The following PALM2AKAP2 variants were observed in gnomAD, a reference collection of about 807,000 sequenced individuals.
The protein encoded by PALM2AKAP2 is PALM2-AKAP2 fusion protein.
PALM2AKAP2 carries 37 observed loss-of-function variants against 71.5 expected under a neutral mutation model. The ratio of observed to expected loss-of-function variants is 0.52; its 90% CI spans 0.40 to 0.68. The LOEUF is 0.68. PALM2AKAP2 is among the 30% of genes least tolerant of loss of function. The pLI is 0.00. For synonymous variants in PALM2AKAP2, 468 were observed against 478.8 expected (o/e 0.98, Z 0.29); for missense variants, 1,224 against 1,191.8 (o/e 1.03, Z -0.40).
rs538998090 is a variant in PALM2AKAP2, at chr9:109,696,717, G to A, written c.5+55851G>A. Among the ~76,000 whole-genome samples, 74 of 152,214 alleles carry A rather than the reference G, an allele frequency of 4.9e-4. 1 individual carries two copies. The South Asian group carries it at 0.014, about 29-fold the overall frequency. On this transcript the variant is annotated intron_variant, in intron 1 of 6. Transcript: ENST00000374531. ...CACCTGCATCCCCTTCCCTGGGCCAGTGCATCTGTCTCCCGCCACTGTGAG... is the reference window on the plus strand; with the variant it reads ...CACCTGCATCCCCTTCCCTGGGCCAATGCATCTGTCTCCCGCCACTGTGAG...
chr9:110,059,421 A>G (rs1833914878), intron 1 of PALM2AKAP2, among the ~76,000 whole-genome samples: 1 of 152,222 alleles, frequency 6.6e-6, no homozygotes, highest in African/African-American at 2.4e-5. Context: ...GTACTAGAAT[A>G]GTCATTTTCT....
chr9:109,994,241 A>T (rs184429649), intron 6 of PALM2AKAP2, among the ~76,000 whole-genome samples: 135 of 152,312 alleles, frequency 8.9e-4, no homozygotes, highest in Non-Finnish European at 8.7e-4. Flanking sequence ...CAGGACAGAG[A>T]TAGATGAATT....
chr9:109,881,876 CTTTT>C (rs565835467), intron 3 of PALM2AKAP2, among the ~76,000 whole-genome samples: 7 of 95,114 alleles, frequency 7.4e-5, no homozygotes, highest in Admixed American at 1.4e-4. Context: ...CTTATGAGCT[CTTTT>C]TTTTTTTTTT....
At chr9:109,683,708 T>C (rs1307213433) in intron 1 of PALM2AKAP2, among the ~76,000 whole-genome samples, 2 of 152,120 alleles carry the variant, frequency 1.3e-5, no homozygotes, top group Non-Finnish European at 2.9e-5. Flanking sequence ...TGTGTGAGCA[T>C]TGAGGGGAGC....
intron 1 of PALM2AKAP2, among the ~76,000 whole-genome samples, chr9:110,110,536 T>A (rs1835222397): frequency 7.1e-6 from 1 of 141,616 alleles, no homozygotes; most frequent in Non-Finnish European, 1.5e-5. Context: ...TTCATGTTTC[T>A]GAACTCTTTT....
intron 1 of PALM2AKAP2, among the ~76,000 whole-genome samples, chr9:110,055,448 G>T (rs1412402010): frequency 6.6e-6 from 1 of 152,038 alleles, no homozygotes; most frequent in Non-Finnish European, 1.5e-5. Flanking sequence ...GCCCACCTTG[G>T]GCAATCCCAA....
chr9:110,035,667 TTGTGTGTTATATATAA>T (rs1391967699), intron 7 of PALM2AKAP2, among the ~76,000 whole-genome samples: 1 of 121,936 alleles, frequency 8.2e-6, no homozygotes, highest in African/African-American at 3.3e-5. Context: ...ATAGGATATG[TTGTGTGTTATATATAA>T]CATATATAGG....
At chr9:109,925,571 T>C (rs1291139317) in intron 5 of PALM2AKAP2, among the ~76,000 whole-genome samples, 1 of 152,188 alleles carries the variant, frequency 6.6e-6, no homozygotes, top group Non-Finnish European at 1.5e-5. Flanking sequence ...CAGACAACTG[T>C]CGTTTCTTTC....
chr9:109,729,759 T>C (rs1230574311), intron 1 of PALM2AKAP2, among the ~76,000 whole-genome samples: 1 of 152,214 alleles, frequency 6.6e-6, no homozygotes, highest in African/African-American at 2.4e-5. Flanking sequence ...TTGAAGGACC[T>C]GTTTAAATTT....
At chr9:110,123,438 G>A (rs1229226780) in intron 1 of PALM2AKAP2, among the ~76,000 whole-genome samples, 1 of 152,156 alleles carries the variant, frequency 6.6e-6, no homozygotes, top group Non-Finnish European at 1.5e-5. Context: ...AGTCATACTG[G>A]ATTAGGGCCC....
At chr9:109,723,222 C>G (rs1397443101) in intron 1 of PALM2AKAP2, among the ~76,000 whole-genome samples, 1 of 152,200 alleles carries the variant, frequency 6.6e-6, no homozygotes, top group Non-Finnish European at 1.5e-5. Context: ...AGGCCCATCT[C>G]CGCTAGGAAA....
In PALM2AKAP2 at chr9:110,137,887, T is replaced by G; in HGVS notation, c.1917T>G (p.Tyr639Ter). The G allele has an allele frequency of 1.2e-6, 2 of 1,614,210 alleles. No individual in the cohort carries two copies. Among genetic ancestry groups the G allele is most frequent in the Non-Finnish European group, 1.7e-6 (2 of 1,180,038 alleles). ...AGTCATTTAGTGATCATGGTTTCTA[T>G]TCCCCTTCCTCCACGCTGGGGGACT... Residue 639 changes from tyrosine to a stop codon, truncating the protein, a stop_gained, in exon 2 of 4, where the codon TAT becomes TAG. Coordinates refer to ENST00000374525, the Ensembl canonical transcript of PALM2AKAP2. LOFTEE classifies it high-confidence loss of function.
At chr9:109,665,237 AC>A (rs1395026954) in intron 1 of PALM2AKAP2, among the ~76,000 whole-genome samples, 1 of 152,056 alleles carries the variant, frequency 6.6e-6, no homozygotes, top group Non-Finnish European at 1.5e-5. Context: ...GCTGGCAAGT[AC>A]CCGCGCTCCT....
intron 6 of PALM2AKAP2, among the ~76,000 whole-genome samples, chr9:109,952,987 C>G (rs989773030): frequency 1.1e-4 from 16 of 152,152 alleles, no homozygotes; most frequent in African/African-American, 3.4e-4. Flanking sequence ...CAACCAGAGG[C>G]CTCATGCTGT....
intron 1 of PALM2AKAP2, among the ~76,000 whole-genome samples, chr9:109,834,908 T>G (rs575072730): frequency 7.2e-5 from 11 of 152,290 alleles, no homozygotes; most frequent in African/African-American, 2.6e-4. Context: ...TTCATCCCTT[T>G]AATCATTTAT....
chr9:109,883,113 C>A (rs1829891187), intron 3 of PALM2AKAP2, among the ~76,000 whole-genome samples: 1 of 152,122 alleles, frequency 6.6e-6, no homozygotes, highest in Non-Finnish European at 1.5e-5. Context: ...TAAACTGAGA[C>A]TCAGTTTCTG....
intron 1 of PALM2AKAP2, among the ~76,000 whole-genome samples, chr9:109,763,946 A>G (rs1392307876): frequency 3.9e-5 from 6 of 152,172 alleles, no homozygotes; most frequent in African/African-American, 1.4e-4. Context: ...AGGATGATTT[A>G]TCTCAATATC....
intron 1 of PALM2AKAP2, among the ~76,000 whole-genome samples, chr9:110,063,444 T>A (rs1834006935): frequency 6.6e-6 from 1 of 151,440 alleles, no homozygotes; most frequent in Admixed American, 6.6e-5. Flanking sequence ...TTTCTATTTT[T>A]TTTTTTTTTT....
intron 1 of PALM2AKAP2, among the ~76,000 whole-genome samples, chr9:109,759,818 T>A (rs532380342): frequency 1.3e-5 from 2 of 152,294 alleles, no homozygotes; most frequent in Admixed American, 1.3e-4. Context: ...GCACTGCCAA[T>A]TTCCTATACT....
Sources: gnomAD v4.1 joint callset for allele counts (sites outside exome capture counted in the v4.1 genomes callset) on GRCh38, gnomAD v4.1.1 for gene constraint, MANE v1.5 for transcripts, NCBI Gene and HGNC (gene_info 2026-07-23, HGNC 2026-07-21) for gene names.